The following ERGIC1 variants were observed in gnomAD, a reference collection of about 807,000 sequenced individuals.
ERGIC1 encodes endoplasmic reticulum-golgi intermediate compartment 1.
Under a neutral mutation model 38.3 loss-of-function variants are expected in ERGIC1, and 19 were observed. The observed-to-expected ratio is 0.50, with a 90% confidence interval of 0.35 to 0.73. The LOEUF is 0.73. ERGIC1 is among the 30% of genes least tolerant of loss of function. The pLI is 0.01. For synonymous variants in ERGIC1, 124 were observed against 157.6 expected, an observed-to-expected ratio of 0.79 and a Z score of 1.60; for missense variants, 294 against 389.2, an observed-to-expected ratio of 0.76 and a Z score of 2.06.
At chr5:172,899,851 A>G (rs916989018) in intron 3 of ERGIC1, among the ~76,000 whole-genome samples, 1 of 152,268 alleles carries the variant, frequency 6.6e-6, no homozygotes, top group African/African-American at 2.4e-5. Flanking sequence ...ATGAGGATCA[A>G]ACAAGATTAT....
At position 172,950,839 on chromosome 5, in the gene ERGIC1, G is replaced by C; in HGVS notation, c.*23G>C. On this transcript the variant is annotated 3_prime_UTR_variant, in exon 10 of 10. Coordinates refer to ENST00000393784, the MANE Select transcript of ERGIC1 (RefSeq NM_001031711.3). ...TGACGCCACACCCAGCCTAATGGCCGAGGACCCTGGGCATCGCCAGCCTTG... is the reference window on the plus strand; with the variant it reads ...TGACGCCACACCCAGCCTAATGGCCCAGGACCCTGGGCATCGCCAGCCTTG... The C allele has an allele frequency of 3.8e-6, 6 of 1,590,192 alleles. No individual in the cohort carries two copies. The highest frequency in any genetic ancestry group is 5.2e-6 in the Non-Finnish European group (6 of 1,162,456).
intron 2 of ERGIC1, among the ~76,000 whole-genome samples, chr5:172,890,870 G>C (rs530422050): frequency 6.6e-6 from 1 of 152,334 alleles, no homozygotes; most frequent in East Asian, 1.9e-4. Flanking sequence ...TTCTCAGTTG[G>C]GGGAGGACCT....
chr5:172,903,566 G>A (rs1762939829), intron 3 of ERGIC1, among the ~76,000 whole-genome samples: 1 of 152,156 alleles, frequency 6.6e-6, no homozygotes, highest in Non-Finnish European at 1.5e-5. Context: ...TTTCATCGAC[G>A]TGAAGGGAGA....
chr5:172,945,895 G>T (rs1009615323), intron 9 of ERGIC1, among the ~76,000 whole-genome samples: 2 of 152,166 alleles, frequency 1.3e-5, no homozygotes, highest in African/African-American at 4.8e-5. Flanking sequence ...AAGTGACCAG[G>T]TTGGTCGCAA....
intron 5 of ERGIC1, chr5:172,918,088 G>A (rs981119577): frequency 3.3e-5 from 5 of 152,294 alleles, no homozygotes; most frequent in East Asian, 3.9e-4. Flanking sequence ...GCCCAGGGAG[G>A]TAGAGGCTTC....
intron 4 of ERGIC1, among the ~76,000 whole-genome samples, chr5:172,911,329 T>C (rs1377128141): frequency 4.6e-5 from 7 of 152,254 alleles, no homozygotes; most frequent in African/African-American, 4.8e-5. Flanking sequence ...ATAATTCATC[T>C]GGCAGATTCT....
chr5:172,851,226 A>T (rs866369543), intron 1 of ERGIC1, among the ~76,000 whole-genome samples: 6 of 136,852 alleles, frequency 4.4e-5, no homozygotes, highest in Middle Eastern at 0.011. Flanking sequence ...AAAAATTAAA[A>T]ATTCAGGCAC....
intron 2 of ERGIC1, among the ~76,000 whole-genome samples, chr5:172,893,911 GTGTGTGTGTGT>G (rs1762640926): frequency 8.6e-5 from 3 of 35,072 alleles, no homozygotes; most frequent in African/African-American, 2.1e-4. Flanking sequence ...ATATATGTGT[GTGTGTGTGTGT>G]GTGTGTGTGT....
Position 172,909,724 on chromosome 5 carries a change from C to T in ERGIC1, c.213C>T (p.Val71=), listed in dbSNP as rs1763160223. The T allele has an allele frequency of 6.2e-7, 1 of 1,614,092 alleles. No homozygotes were observed. The highest frequency in any genetic ancestry group is 1.7e-5 in the Admixed American group (1 of 60,010). The change falls in exon 4 of 10, where the codon GTC becomes GTT. Residue 71 remains valine (V), a synonymous_variant. Coordinates refer to ENST00000393784, the MANE Select transcript of ERGIC1 (RefSeq NM_001031711.3). ...AGGACAGCGGTGGCAAGATCGACGT[C>T]AGTCTGAACATCAGTTTACCCAATC... The part of the protein sequence containing the change: ...PDKDSGGKID[V]SLNISLPNLH...
At chr5:172,874,058 C>G (rs1267289488) in intron 1 of ERGIC1, among the ~76,000 whole-genome samples, 2 of 152,194 alleles carry the variant, frequency 1.3e-5, no homozygotes, top group Non-Finnish European at 2.9e-5. Flanking sequence ...TTAGTTCATT[C>G]TACAGTGGGG....
chr5:172,851,915 C>T (rs1761418673), intron 1 of ERGIC1, among the ~76,000 whole-genome samples: 1 of 152,222 alleles, frequency 6.6e-6, no homozygotes, highest in South Asian at 2.1e-4. Context: ...CCACTCATGT[C>T]AGCAGCTCAT....
chr5:172,856,416 TC>T (rs1295198920), intron 1 of ERGIC1, among the ~76,000 whole-genome samples: 1 of 141,182 alleles, frequency 7.1e-6, no homozygotes, highest in African/African-American at 2.6e-5. Flanking sequence ...AGGGAGTGAA[TC>T]AGGGTGCTTC....
intron 1 of ERGIC1, among the ~76,000 whole-genome samples, chr5:172,840,613 G>A (rs1240041683): frequency 6.6e-6 from 1 of 152,174 alleles, no homozygotes; most frequent in African/African-American, 2.4e-5. Context: ...GCCTCGGGAG[G>A]CTGGGGCGTG....
At chr5:172,922,444 C>A in intron 5 of ERGIC1, 1 of 152,714 alleles carries the variant, frequency 6.5e-6, no homozygotes, top group Non-Finnish European at 1.5e-5. Flanking sequence ...TATGAGATGG[C>A]AGGTGATCCC....
chr5:172,869,955 C>G lies in ERGIC1; in HGVS notation c.21-18744C>G, dbSNP rs529760510. On this transcript the variant is annotated intron_variant, in intron 1 of 9. Coordinates refer to ENST00000393784, the MANE Select transcript of ERGIC1 (RefSeq NM_001031711.3). ...CCAACAGAGTTGGGTCTCAGCCTTACCAGCCTGGCAGCCACTAGACTTGAT... is the reference window on the plus strand; with the variant it reads ...CCAACAGAGTTGGGTCTCAGCCTTAGCAGCCTGGCAGCCACTAGACTTGAT... Among the ~76,000 whole-genome samples the G allele has an allele frequency of 1.3e-5, 2 of 152,212 alleles. 1 individual carries two copies. The highest frequency in any genetic ancestry group is 2.9e-5 in the Non-Finnish European group (2 of 68,042).
chr5:172,894,200 T>TC (rs1397002838), intron 2 of ERGIC1, among the ~76,000 whole-genome samples: 12 of 135,012 alleles, frequency 8.9e-5, no homozygotes, highest in African/African-American at 3.0e-4. Context: ...TTTTTCTTTT[T>TC]TTTTTTTTTT....
At chr5:172,864,064 G>T (rs1431418264) in intron 1 of ERGIC1, among the ~76,000 whole-genome samples, 1 of 151,944 alleles carries the variant, frequency 6.6e-6, no homozygotes, top group Admixed American at 6.5e-5. Flanking sequence ...GGGCATGGTG[G>T]TGCATACTTG....
At chr5:172,889,042 T>C (rs1281768194) in intron 2 of ERGIC1, among the ~76,000 whole-genome samples, 3 of 152,144 alleles carry the variant, frequency 2.0e-5, no homozygotes, top group African/African-American at 7.2e-5. Flanking sequence ...CCCAACACTT[T>C]GGGAGGCCAA....
chr5:172,946,106 A>G (rs1379708867), intron 9 of ERGIC1, among the ~76,000 whole-genome samples: 3 of 152,166 alleles, frequency 2.0e-5, no homozygotes, highest in African/African-American at 7.2e-5. Flanking sequence ...CATGGCAGGA[A>G]AGCCGGGTGG....
Sources: gnomAD v4.1 joint callset for allele counts (sites outside exome capture counted in the v4.1 genomes callset) on GRCh38, gnomAD v4.1.1 for gene constraint, MANE v1.5 for transcripts, NCBI Gene and HGNC (gene_info 2026-07-23, HGNC 2026-07-21) for gene names.